The following PFKFB3 variants were observed in gnomAD, a reference collection of about 807,000 sequenced individuals.
The protein encoded by PFKFB3 is 6-phosphofructo-2-kinase/fructose-2,6-bisphosphatase 3.
Under a neutral mutation model 68.0 loss-of-function variants are expected in PFKFB3, and 33 were observed. That is an observed-to-expected ratio of 0.49 (90% CI 0.37 to 0.65). The LOEUF (loss-of-function observed/expected upper bound fraction) is 0.65, where lower values mean the gene tolerates loss of function less well. PFKFB3 is among the 30% of genes least tolerant of loss of function. The pLI, the probability that PFKFB3 is intolerant of heterozygous loss-of-function variation, is 0.00. For missense variants in PFKFB3, 586 were observed against 712.2 expected (o/e 0.82, Z 2.02); for synonymous variants, 315 against 288.2 (o/e 1.09, Z -0.94).
At chr10:6,157,955 T>C (rs914093492) in intron 1 of PFKFB3, among the ~76,000 whole-genome samples, 5 of 151,990 alleles carry the variant, frequency 3.3e-5, no homozygotes, top group African/African-American at 4.8e-5. Flanking sequence ...CTGGCTTCTG[T>C]GAGAAATAAC....
the PFKFB3 span, among the ~76,000 whole-genome samples, chr10:6,318,982 C>A: frequency 9.9e-5 from 15 of 152,168 alleles, no homozygotes; most frequent in African/African-American, 3.4e-4. Flanking sequence ...TTCCCATACC[C>A]TAACACGGAG....
At chr10:6,294,368 G>T in the PFKFB3 span, 10 of 334,978 alleles carry the variant, frequency 3.0e-5, no homozygotes, top group East Asian at 7.7e-5. Context: ...GGCTGGAGAG[G>T]CCTCACAGTC....
chr10:6,278,401 G>T, the PFKFB3 span, among the ~76,000 whole-genome samples: 3 of 151,296 alleles, frequency 2.0e-5, no homozygotes. Context: ...GCAGCCTCCC[G>T]AGTAGCTGGG....
downstream of PFKFB3, among the ~76,000 whole-genome samples, chr10:6,236,100 C>G (rs1846005480): frequency 6.6e-6 from 1 of 152,166 alleles, no homozygotes; most frequent in African/African-American, 2.4e-5. Flanking sequence ...TTCTATACCC[C>G]TTCCCCGCGC....
chr10:6,291,948 T>TG, the PFKFB3 span, among the ~76,000 whole-genome samples: 2 of 134,454 alleles, frequency 1.5e-5, no homozygotes, highest in South Asian at 4.8e-4. Flanking sequence ...ACCAGTGGTT[T>TG]TTTTTTTTTT....
the PFKFB3 span, among the ~76,000 whole-genome samples, chr10:6,297,682 T>G: frequency 2.0e-5 from 3 of 152,320 alleles, no homozygotes; most frequent in African/African-American, 7.2e-5. Context: ...GCATTTGAGC[T>G]GGAAGCTTCT....
chr10:6,205,856 G>A (rs1328839344), intron 1 of PFKFB3, among the ~76,000 whole-genome samples: 2 of 151,824 alleles, frequency 1.3e-5, no homozygotes, highest in African/African-American at 4.8e-5. Flanking sequence ...GGAGGGCAGT[G>A]GTGCGACCAT....
chr10:6,161,883 T>C (rs1225600557), intron 1 of PFKFB3, among the ~76,000 whole-genome samples: 1 of 152,212 alleles, frequency 6.6e-6, no homozygotes, highest in African/African-American at 2.4e-5. Flanking sequence ...ACATTTTTAA[T>C]TGTGGTAAAT....
the PFKFB3 span, chr10:6,277,739 G>T: frequency 6.2e-5 from 26 of 419,938 alleles, no homozygotes; most frequent in Non-Finnish European, 1.2e-4. Flanking sequence ...CCAGCACCAC[G>T]CTTTCTGTAC....
the PFKFB3 span, among the ~76,000 whole-genome samples, chr10:6,315,759 T>C: frequency 6.6e-6 from 1 of 152,372 alleles, no homozygotes; most frequent in East Asian, 1.9e-4. Context: ...GTGTTGGGAT[T>C]ATAGGCGTGA....
chr10:6,305,299 C>A, the PFKFB3 span, among the ~76,000 whole-genome samples: 1 of 146,336 alleles, frequency 6.8e-6, no homozygotes, highest in Non-Finnish European at 1.5e-5. Context: ...GTTGGGATTA[C>A]AGGCATAAGC....
intron 1 of PFKFB3, among the ~76,000 whole-genome samples, chr10:6,162,200 G>T (rs1294653491): frequency 6.6e-6 from 1 of 152,192 alleles, no homozygotes; most frequent in African/African-American, 2.4e-5. Flanking sequence ...CATCCACGTT[G>T]TAGCATGGGT....
chr10:6,293,120 T>C, the PFKFB3 span: 1 of 441,336 alleles, frequency 2.3e-6, no homozygotes, highest in Non-Finnish European at 4.5e-6. Context: ...AATGGTGTGG[T>C]CTATTAGGCT....
the PFKFB3 span, among the ~76,000 whole-genome samples, chr10:6,284,353 G>T: frequency 6.6e-6 from 1 of 152,066 alleles, no homozygotes; most frequent in Non-Finnish European, 1.5e-5. Context: ...CACATATTTT[G>T]ATGCTCTGTT....
chr10:6,247,878 T>A (rs1588567731), intron 14 of PFKFB3, among the ~76,000 whole-genome samples: 1 of 152,358 alleles, frequency 6.6e-6, no homozygotes, highest in East Asian at 1.9e-4. Context: ...TCCCCACCAC[T>A]TTATGAGCTG....
chr10:6,156,950 G>A (rs1841821647), intron 1 of PFKFB3, among the ~76,000 whole-genome samples: 1 of 151,254 alleles, frequency 6.6e-6, no homozygotes, highest in South Asian at 2.1e-4. Flanking sequence ...AAATTAGCTG[G>A]GCGTGGTGGC....
rs138244954 is a variant in PFKFB3 at position 6,162,696 on chromosome 10, C to T, written c.16+17683C>T. Among the ~76,000 whole-genome samples the T allele has an allele frequency of 2.2e-4, 34 of 152,316 alleles. 1 individual carries two copies. The East Asian group carries it at 6.4e-3, about 28-fold the overall frequency. ...ATACTCAATTGATGCTCAAGCCACT[C>T]CCAGTTTGGGTGAGAACCCTTTCAG... On this transcript the variant is annotated intron_variant, in intron 1 of 14. Transcript: ENST00000379789.
chr10:6,237,137 C>G (rs11596852), downstream of PFKFB3, among the ~76,000 whole-genome samples: 7 of 152,344 alleles, frequency 4.6e-5, 1 homozygote, highest in South Asian at 1.4e-3. Flanking sequence ...GGGTTCTCCC[C>G]GACACTTCCT....
At position 6,243,263 on chromosome 10, in the gene PFKFB3, G is replaced by A. The variant is rs142992291; in HGVS notation, c.1516-10915G>A. Among the ~76,000 whole-genome samples the A allele has an allele frequency of 6.9e-3, 1,051 of 152,302 alleles. 9 individuals are homozygous for A. Among genetic ancestry groups the A allele is most frequent in the Middle Eastern group, 0.044 (13 of 294 alleles). Reference sequence around the variant, plus strand: ...GTTGTAATCCTCGGAACTGCCGCACGTCCCAAGCAGCTGGTCCTGGGACAA... The same window carrying A: ...GTTGTAATCCTCGGAACTGCCGCACATCCCAAGCAGCTGGTCCTGGGACAA... On this transcript the variant is annotated intron_variant, in intron 14 of 14. Coordinates refer to the PFKFB3 transcript ENST00000640683.
Sources: allele counts gnomAD v4.1 joint callset (sites outside exome capture counted in the v4.1 genomes callset), GRCh38; gene constraint gnomAD v4.1.1; transcripts MANE v1.5; gene names NCBI Gene and HGNC (gene_info 2026-07-23, HGNC 2026-07-21).